Variants in CLEC4A observed in about 807,000 individuals in gnomAD.
CLEC4A encodes C-type (calcium dependent, carbohydrate-recognition domain) lectin, superfamily member 6.
Under a neutral mutation model 32.7 loss-of-function variants are expected in CLEC4A, and 27 were observed. The ratio of observed to expected loss-of-function variants is 0.83; its 90% CI spans 0.61 to 1.14. CLEC4A has a LOEUF of 1.14. Among genes scored for constraint, CLEC4A ranks in the 50% most tolerant of loss-of-function variants. The pLI, the probability that CLEC4A is intolerant of heterozygous loss-of-function variation, is 0.00. For missense variants in CLEC4A, 253 were observed against 274.6 expected (o/e 0.92, Z 0.55); for synonymous variants, 89 against 93.7 (o/e 0.95, Z 0.29).
the CLEC4A span, among the ~76,000 whole-genome samples, chr12:8,117,574 C>CT: frequency 1.3e-5 from 2 of 151,378 alleles, no homozygotes; most frequent in East Asian, 1.9e-4. Flanking sequence ...CCAATGGGAA[C>CT]TTTTTTTTTA....
At chr12:8,134,830 C>A in intron 3 of CLEC4A, 1 of 1,547,480 alleles carries the variant, frequency 6.5e-7, no homozygotes, top group Non-Finnish European at 8.7e-7. Context: ...AAGGCGAAAT[C>A]CGAAGCCAGG....
chr12:8,129,463 T>A (rs1401955926), intron 3 of CLEC4A, 101 bp downstream of exon 3: 1 of 793,550 alleles, frequency 1.3e-6, no homozygotes, highest in East Asian at 2.5e-5. Context: ...TACTGAAAAG[T>A]TGAGTCTCAC....
intron 2 of CLEC4A, among the ~76,000 whole-genome samples, chr12:8,128,725 G>A (rs1454673303): frequency 6.6e-6 from 1 of 152,118 alleles, no homozygotes; most frequent in Non-Finnish European, 1.5e-5. Context: ...GGGAGAGGTG[G>A]GTTAGTTTTA....
At chr12:8,126,780 G>T (rs1200153239) in intron 2 of CLEC4A, among the ~76,000 whole-genome samples, 1 of 152,178 alleles carries the variant, frequency 6.6e-6, no homozygotes, top group Non-Finnish European at 1.5e-5. Context: ...TTCCGGAGGA[G>T]GTGACATCTA....
chr12:8,132,716 T>C (rs760972333), intron 3 of CLEC4A, among the ~76,000 whole-genome samples: 1 of 152,180 alleles, frequency 6.6e-6, no homozygotes, highest in African/African-American at 2.4e-5. Flanking sequence ...CTGTCAATGG[T>C]TGAGAGAGAG....
chr12:8,111,923 A>ATG, the CLEC4A span, among the ~76,000 whole-genome samples: 558 of 111,038 alleles, frequency 5.0e-3, 3 homozygotes, highest in African/African-American at 0.016. Flanking sequence ...GAGTGTGTAT[A>ATG]TGTGTGTGTG....
chr12:8,127,218 G>T (rs572330527), intron 2 of CLEC4A, among the ~76,000 whole-genome samples: 8 of 152,346 alleles, frequency 5.3e-5, no homozygotes, highest in East Asian at 1.9e-4. Context: ...TGGCAGGAGA[G>T]ATTTGGCCAC....
intron 2 of CLEC4A, among the ~76,000 whole-genome samples, chr12:8,126,137 C>T (rs1565402930): frequency 6.6e-6 from 1 of 152,190 alleles, no homozygotes; most frequent in Admixed American, 6.5e-5. Flanking sequence ...TATTCCTGCC[C>T]TGCTCAAGAC....
the CLEC4A span, among the ~76,000 whole-genome samples, chr12:8,113,004 A>T: frequency 2.6e-5 from 4 of 152,038 alleles, no homozygotes; most frequent in South Asian, 8.3e-4. Flanking sequence ...TTTAGGGTAC[A>T]TGTGCACAAC....
chr12:8,103,374 TTG>T, the CLEC4A span, among the ~76,000 whole-genome samples: 1,676 of 96,140 alleles, frequency 0.017, 244 homozygotes, highest in East Asian at 0.046. Context: ...TTTCTTTCTG[TTG>T]TTTTTTTTTT....
intron 3 of CLEC4A, chr12:8,133,651 T>C: frequency 1.5e-6 from 2 of 1,353,922 alleles, no homozygotes; most frequent in Non-Finnish European, 2.0e-6. Context: ...CCCTTTGTGT[T>C]CCCAATTCCT....
At position 8,138,183 on chromosome 12, in the gene CLEC4A, G is replaced by T; in HGVS notation, c.610G>T (p.Val204Phe). The T allele has an allele frequency of 1.9e-6, 3 of 1,614,106 alleles. No individual in the cohort carries two copies. The highest frequency in any genetic ancestry group is 2.5e-6 in the Non-Finnish European group (3 of 1,180,026). The part of the protein sequence containing the change: ...REPSDPNERC[V>F]VLNFRKSPKR... ...GCCCAGTGATCCCAATGAGCGCTGC[G>T]TTGTGCTAAATTTTCGTAAATCACC... is the stretch of plus-strand genomic sequence containing the variant. The change falls in exon 6 of 6, where the codon GTT becomes TTT. Residue 204 changes from valine (V) to phenylalanine (F), a missense_variant. Coordinates refer to ENST00000229332, the MANE Select transcript of CLEC4A (RefSeq NM_016184.4).
intron 2 of CLEC4A, among the ~76,000 whole-genome samples, chr12:8,128,591 A>G (rs1028295548): frequency 1.8e-4 from 27 of 152,122 alleles, no homozygotes; most frequent in African/African-American, 6.3e-4. Context: ...TTGTACTTTG[A>G]GTAGAGACGA....
chr12:8,134,996 A>T (rs80014878), intron 3 of CLEC4A: 45,826 of 80,438 alleles, frequency 0.57, 14,979 homozygotes, highest in East Asian at 0.78. Flanking sequence ...GTTTTTTTTT[A>T]ATCATGGCTG....
rs775662970 is a variant in CLEC4A at position 8,125,569 on chromosome 12, G to A, written c.91G>A (p.Glu31Lys). 8 of 1,602,192 alleles carry A rather than the reference G, an allele frequency of 5.0e-6. No individual in the cohort carries two copies. Among genetic ancestry groups the A allele is most frequent in the Non-Finnish European group, 6.8e-6 (8 of 1,169,376 alleles). The change falls in exon 2 of 6, where the codon GAG becomes AAG. Residue 31 changes from glutamate (E) to lysine (K), a missense_variant. Transcript: ENST00000229332. ...TTTGGCTTCTTCTTCAGCTTCCAAGGAGAGGACTGCCCCTCACAAAAGTAA... is the reference window on the plus strand; with the variant it reads ...TTTGGCTTCTTCTTCAGCTTCCAAGAAGAGGACTGCCCCTCACAAAAGTAA... ...INTASSAASK[E>K]RTAPHKSNTG... is the part of the protein sequence containing the mutation.
upstream of CLEC4A, chr12:8,121,071 A>C (rs1057159210): frequency 6.6e-6 from 1 of 152,218 alleles, no homozygotes; most frequent in Non-Finnish European, 1.5e-5. Context: ...GCAGAGTTGC[A>C]GTCAACTCCA....
In CLEC4A at chr12:8,135,508, C is replaced by T. The variant is rs1172823115; in HGVS notation, c.299-77C>T. ...CCAGCTTCCATGTGCTCTCTCTTGG[C>T]TCTTAATTTTAATAATACACACACT... On this transcript the variant is annotated intron_variant, in intron 3 of 5. Transcript: ENST00000229332. 5 of 1,473,688 alleles carry T rather than the reference C, an allele frequency of 3.4e-6. No individual in the cohort carries two copies. In the East Asian group the frequency reaches 1.1e-4, roughly 34 times the overall value. 91.3% of individuals were successfully genotyped at this position (1,473,688 alleles called of 1,614,324 possible).
At chr12:8,114,982 C>T in the CLEC4A span, among the ~76,000 whole-genome samples, 1 of 152,172 alleles carries the variant, frequency 6.6e-6, no homozygotes, top group African/African-American at 2.4e-5. Flanking sequence ...ATCCTACTGG[C>T]CTCCTTTGAA....
the CLEC4A span, among the ~76,000 whole-genome samples, chr12:8,115,783 CAT>C: frequency 6.6e-6 from 1 of 151,606 alleles, no homozygotes; most frequent in Non-Finnish European, 1.5e-5. Context: ...ACATATATGT[CAT>C]ATATATATAT....
Sources: allele counts gnomAD v4.1 joint callset (sites outside exome capture counted in the v4.1 genomes callset), GRCh38; gene constraint gnomAD v4.1.1; transcripts MANE v1.5; gene names NCBI Gene and HGNC (gene_info 2026-07-23, HGNC 2026-07-21).